Variants in BTRC observed in about 807,000 individuals in gnomAD.
BTRC encodes beta-transducin repeat containing E3 ubiquitin protein ligase.
A neutral mutation model predicts 85.5 loss-of-function variants in BTRC; 42 were observed. The ratio of observed to expected loss-of-function variants is 0.49; its 90% CI spans 0.38 to 0.64. The LOEUF (loss-of-function observed/expected upper bound fraction) is 0.64, where lower values mean the gene tolerates loss of function less well. Ranked by LOEUF, BTRC falls within the 30% of genes least tolerant of loss-of-function variation. The pLI is 0.00. For missense variants in BTRC, 594 were observed against 743.5 expected (o/e 0.80, Z 2.34); for synonymous variants, 255 against 263.3 (o/e 0.97, Z 0.30).
At chr10:101,519,017 G>A (rs958795363) in intron 4 of BTRC, among the ~76,000 whole-genome samples, 2 of 151,474 alleles carry the variant, frequency 1.3e-5, no homozygotes, top group African/African-American at 4.9e-5. Flanking sequence ...ATCAATCAAG[G>A]TGTTGGGCTG....
At chr10:101,429,820 T>C (rs1944355438) in intron 1 of BTRC, among the ~76,000 whole-genome samples, 1 of 151,808 alleles carries the variant, frequency 6.6e-6, no homozygotes, top group African/African-American at 2.4e-5. Context: ...GTGCAGAGTT[T>C]GTTGCTGTCA....
At chr10:101,385,224 G>A (rs10786633) in intron 1 of BTRC, among the ~76,000 whole-genome samples, 54,274 of 150,906 alleles carry the variant, frequency 0.36, 10,820 homozygotes, top group Middle Eastern at 0.47. Flanking sequence ...AAAATTAGCC[G>A]GGCGTGGTGG....
At chr10:101,382,222 A>T (rs368147043) in intron 1 of BTRC, among the ~76,000 whole-genome samples, 27 of 151,760 alleles carry the variant, frequency 1.8e-4, no homozygotes, top group East Asian at 7.7e-4. Flanking sequence ...ACCTCAGGTG[A>T]TCCACCTGCC....
rs577208450 is a variant in BTRC, at chr10:101,458,365, A to G, written c.157-3616A>G. On this transcript the variant is annotated intron_variant, in intron 2 of 14. Transcript: ENST00000370187. The stretch of plus-strand genomic sequence containing the variant: ...ATTTTCAGTGGGGAGAGGGTTGACT[A>G]TTAAGGAGAATTTCAAGAGAATTTT... 8.7e-4 allele frequency among the ~76,000 whole-genome samples: 132 copies of G among 152,294 alleles called. 1 individual carries two copies. Among genetic ancestry groups the G allele is most frequent in the African/African-American group, 3.0e-3 (124 of 41,554 alleles).
At chr10:101,547,120 G>A (rs1270912408) in intron 13 of BTRC, among the ~76,000 whole-genome samples, 1 of 152,052 alleles carries the variant, frequency 6.6e-6, no homozygotes, top group African/African-American at 2.4e-5. Context: ...CAGATCAAAT[G>A]CATTTTCAGC....
At position 101,447,536 on chromosome 10, in the gene BTRC, G is replaced by A. The variant is rs953705107; in HGVS notation, c.157-14445G>A. ...GGTATTCACTAATTCTGTACTGTAA[G>A]AACAACTACTATGATATTAAAATTA... On this transcript the variant is annotated intron_variant, in intron 2 of 14. Coordinates refer to ENST00000370187, the MANE Select transcript of BTRC (RefSeq NM_033637.4). Among the ~76,000 whole-genome samples the A allele has an allele frequency of 3.3e-5, 5 of 152,092 alleles. No homozygotes were observed. In the South Asian group the frequency reaches 6.2e-4, roughly 19 times the overall value.
At chr10:101,522,931 C>T (rs538196396) in intron 5 of BTRC, among the ~76,000 whole-genome samples, 1 of 152,102 alleles carries the variant, frequency 6.6e-6, no homozygotes, top group East Asian at 1.9e-4. Context: ...ATGGGTTGGG[C>T]ACGGTGGCTC....
At chr10:101,430,087 G>A (rs1944363669) in intron 1 of BTRC, among the ~76,000 whole-genome samples, 2 of 152,126 alleles carry the variant, frequency 1.3e-5, no homozygotes, top group Non-Finnish European at 2.9e-5. Context: ...GAAGAATAGG[G>A]ACAAAATGTT....
intron 1 of BTRC, among the ~76,000 whole-genome samples, chr10:101,380,213 C>T (rs1268025272): frequency 4.6e-5 from 7 of 152,108 alleles, no homozygotes. Context: ...GTCTCACTTT[C>T]CTCATATAGA....
At chr10:101,438,302 G>A (rs1589467054) in intron 2 of BTRC, among the ~76,000 whole-genome samples, 1 of 151,608 alleles carries the variant, frequency 6.6e-6, no homozygotes, top group South Asian at 2.1e-4. Context: ...GTGGGCGCCT[G>A]TAGTCCCAGC....
intron 2 of BTRC, among the ~76,000 whole-genome samples, chr10:101,435,850 T>C (rs1261004178): frequency 6.6e-6 from 1 of 152,188 alleles, no homozygotes; most frequent in Non-Finnish European, 1.5e-5. Context: ...ATGTCTCATT[T>C]AATGTAATGG....
chr10:101,425,270 A>G (rs146865275), intron 1 of BTRC, among the ~76,000 whole-genome samples: 138 of 152,034 alleles, frequency 9.1e-4, no homozygotes, highest in African/African-American at 3.0e-3. Flanking sequence ...TTTCTGATTC[A>G]GGTAGTAGAA....
chr10:101,447,008 G>T (rs1427002473), intron 2 of BTRC, among the ~76,000 whole-genome samples: 1 of 151,430 alleles, frequency 6.6e-6, no homozygotes, highest in Non-Finnish European at 1.5e-5. Context: ...TGGTGGGGGG[G>T]CCGGTTACAA....
chr10:101,408,301 T>C (rs541036804), intron 1 of BTRC, among the ~76,000 whole-genome samples: 112 of 152,240 alleles, frequency 7.4e-4, no homozygotes, highest in African/African-American at 2.5e-3. Context: ...TTCTTCTTTT[T>C]TTTTAAATTT....
intron 4 of BTRC, among the ~76,000 whole-genome samples, chr10:101,517,801 A>C (rs2062042710): frequency 6.6e-6 from 1 of 151,952 alleles, no homozygotes; most frequent in South Asian, 2.1e-4. Context: ...ATTCAGTAGG[A>C]TCTGTCTTCA....
chr10:101,522,142 G>A (rs1450096920), intron 5 of BTRC, among the ~76,000 whole-genome samples: 15 of 136,134 alleles, frequency 1.1e-4, no homozygotes, highest in Middle Eastern at 4.2e-3. Flanking sequence ...CCGGCTTAAC[G>A]CCATTCTCCT....
At chr10:101,550,992 C>A (rs988597844) in intron 14 of BTRC, 101 bp downstream of exon 14, 1 of 1,097,910 alleles carries the variant, frequency 9.1e-7, no homozygotes, top group Non-Finnish European at 1.3e-6. Context: ...GTTTGGGTCA[C>A]CAACTCCTGT....
chr10:101,519,311 C>T (rs774330830), intron 4 of BTRC, among the ~76,000 whole-genome samples: 1 of 151,944 alleles, frequency 6.6e-6, no homozygotes, highest in Non-Finnish European at 1.5e-5. Context: ...AACTCCTGAC[C>T]TTAGGTGATC....
intron 4 of BTRC, among the ~76,000 whole-genome samples, chr10:101,488,872 G>A (rs910624619): frequency 2.0e-5 from 3 of 152,032 alleles, no homozygotes; most frequent in Non-Finnish European, 4.4e-5. Flanking sequence ...ATTTAGGTTA[G>A]GTATGAGGTG....
Sources: gnomAD v4.1 joint callset for allele counts (sites outside exome capture counted in the v4.1 genomes callset) on GRCh38, gnomAD v4.1.1 for gene constraint, MANE v1.5 for transcripts, NCBI Gene and HGNC (gene_info 2026-07-23, HGNC 2026-07-21) for gene names.